Variants in RASGRP4 observed in about 807,000 individuals in gnomAD.
RASGRP4 encodes RAS guanyl releasing protein 4.
Under a neutral mutation model 84.4 loss-of-function variants are expected in RASGRP4, and 52 were observed. That is an observed-to-expected ratio of 0.62 (90% CI 0.49 to 0.78). RASGRP4 has a LOEUF of 0.78. Among genes scored for constraint, RASGRP4 ranks in the 30% least tolerant of loss-of-function variants. RASGRP4 has a pLI of 0.00. For synonymous variants in RASGRP4, 356 were observed against 359.1 expected, an observed-to-expected ratio of 0.99 and a Z score of 0.10; for missense variants, 760 against 886.9, an observed-to-expected ratio of 0.86 and a Z score of 1.82.
rs1238556368 is a variant in RASGRP4, at chr19:38,413,469, G to A, written c.1236C>T (p.Ser412=). Reference sequence around the variant, plus strand: ...CGTCTTCCGTGTAGAAGAGGTCCAGGGAGAGCTGGAGCAGACAGGGGTGTT... The same window carrying A: ...CGTCTTCCGTGTAGAAGAGGTCCAGAGAGAGCTGGAGCAGACAGGGGTGTT... ...NEDLLHLLTL[S]LDLFYTEDEI... The change falls in exon 10 of 17, where the codon TCC becomes TCT. Residue 412 remains serine, a synonymous_variant. Transcript: ENST00000615439. This position sits in a 1 kb window ranked among gnomAD's most constrained non-coding sequence, Gnocchi z 4.7. The A allele has an allele frequency of 6.3e-7, 1 of 1,594,260 alleles. No individual in the cohort carries two copies. The highest frequency in any genetic ancestry group is 2.3e-5 in the East Asian group (1 of 43,882).
chr19:38,415,260 G>GTCTCAGCA, intron 8 of RASGRP4, 137 bp from the exon 9 acceptor site: 1 of 728,602 alleles, frequency 1.4e-6, no homozygotes, highest in Non-Finnish European at 2.2e-6. Context: ...TCCCATGCCG[G>GTCTCAGCA]TCTCAGCATC....
intron 2 of RASGRP4, 23 bp from the exon 3 acceptor site, chr19:38,421,223 CTG>C (rs1568414915): frequency 6.5e-7 from 1 of 1,548,164 alleles, no homozygotes; most frequent in African/African-American, 1.4e-5. Flanking sequence ...GAGGGGTACT[CTG>C]TGACAGAATG....
At chr19:38,416,831 C>T (rs993647245) in intron 8 of RASGRP4, among the ~76,000 whole-genome samples, 17 of 152,158 alleles carry the variant, frequency 1.1e-4, no homozygotes, top group Non-Finnish European at 1.8e-4. Flanking sequence ...AGTCCAGCTC[C>T]GGACCAGACA....
intron 1 of RASGRP4, 90 bp from the exon 2 acceptor site, chr19:38,422,243 C>G: frequency 1.6e-6 from 2 of 1,236,774 alleles, no homozygotes; most frequent in Middle Eastern, 1.9e-4. Flanking sequence ...CAAGGCACCA[C>G]GGGAGAGGCT....
At chr19:38,421,348 G>T in intron 2 of RASGRP4, 148 bp from the exon 3 acceptor site, 2 of 636,586 alleles carry the variant, frequency 3.1e-6, no homozygotes. Flanking sequence ...AACCTCCTGT[G>T]CCTCAGTTTC....
At chr19:38,423,698 G>C (rs192971536) in intron 1 of RASGRP4, among the ~76,000 whole-genome samples, 4 of 151,718 alleles carry the variant, frequency 2.6e-5, no homozygotes, top group Non-Finnish European at 5.9e-5. Flanking sequence ...TTAGCCAGGC[G>C]TGGTGGTGGG....
chr19:38,415,164 G>T, intron 8 of RASGRP4, 41 bp from the exon 9 acceptor site: 1 of 1,522,134 alleles, frequency 6.6e-7, no homozygotes, highest in Non-Finnish European at 8.9e-7. Flanking sequence ...TATCAGGACA[G>T]TCCCATCCCC....
intron 15 of RASGRP4, 47 bp downstream of exon 15, chr19:38,411,068 C>A (rs779626057): frequency 6.2e-7 from 1 of 1,609,486 alleles, no homozygotes; most frequent in Non-Finnish European, 8.5e-7. Flanking sequence ...GGACTCAACC[C>A]CTTTCCCCCA....
In RASGRP4 at chr19:38,420,166, G is replaced by A; in HGVS notation, c.474C>T (p.Asn158=). 6.2e-7 allele frequency: 1 copy of A among 1,613,794 alleles called. No homozygotes were observed. The highest frequency in any genetic ancestry group is 8.5e-7 in the Non-Finnish European group (1 of 1,179,790). ...RFWATVAREG[N]SAQRRLGDSS... ...AGTCTCCCAGTCTTCTCTGGGCTGA[G>A]TTGCCCTCCCGGGCCACGGTGGCCC... The change falls in exon 5 of 17, where the codon AAC becomes AAT. Residue 158 remains asparagine (N), a synonymous_variant. Coordinates refer to ENST00000615439, the MANE Select transcript of RASGRP4 (RefSeq NM_170604.3).
At chr19:38,420,793 G>A in intron 4 of RASGRP4, 115 bp downstream of exon 4, 1 of 1,043,032 alleles carries the variant, frequency 9.6e-7, no homozygotes, top group Non-Finnish European at 1.5e-6. Context: ...TTTGGCCTGT[G>A]GGGCTGGTTG....
intron 4 of RASGRP4, 29 bp downstream of exon 4, chr19:38,420,879 T>G: frequency 6.2e-7 from 1 of 1,607,930 alleles, no homozygotes; most frequent in Non-Finnish European, 8.5e-7. Context: ...TCGTGGGTCC[T>G]GAGAGTGGGG....
intron 1 of RASGRP4, among the ~76,000 whole-genome samples, chr19:38,423,260 C>A (rs1013595465): frequency 6.6e-6 from 1 of 152,254 alleles, no homozygotes; most frequent in Non-Finnish European, 1.5e-5. Flanking sequence ...TGTGATGGCT[C>A]ACGCCTGTAA....
At chr19:38,422,498 C>T (rs1174153433) in intron 1 of RASGRP4, among the ~76,000 whole-genome samples, 2 of 152,172 alleles carry the variant, frequency 1.3e-5, no homozygotes, top group African/African-American at 4.8e-5. Flanking sequence ...AGCAAGCACC[C>T]CCGCCTGAGC....
Position 38,413,837 on chromosome 19 carries a change from A to C in RASGRP4, c.1231-363T>G, listed in dbSNP as rs762594859. On this transcript the variant is annotated intron_variant, in intron 9 of 16. Transcript: ENST00000615439. This position sits in a 1 kb window ranked among gnomAD's most constrained non-coding sequence, Gnocchi z 4.7. ...GTTTAAGAATGTGAACCCCAAAGCA[A>C]TTCCAGAGCTCAGATCAATGGATAC... 2.7e-4 allele frequency among the ~76,000 whole-genome samples: 41 copies of C among 152,214 alleles called. 1 individual carries two copies. The highest frequency in any genetic ancestry group is 1.0e-3 in the Admixed American group (16 of 15,276).
rs1219532289 is a variant in RASGRP4, at chr19:38,412,651, G to A, written c.1680+21C>T. 30 of 1,609,324 alleles carry A rather than the reference G, an allele frequency of 1.9e-5. No homozygotes were observed. The highest frequency in any genetic ancestry group is 2.5e-5 in the Non-Finnish European group (30 of 1,177,720). ...TCAGGACAGATGGAACCTAAGGGTG[G>A]TGATGGGGTGGGGTGCTCACGAAGC... On this transcript the variant is annotated intron_variant, in intron 13 of 16. Coordinates refer to ENST00000615439, the MANE Select transcript of RASGRP4 (RefSeq NM_170604.3). The surrounding 1 kb of genome is among the most constrained non-coding windows in gnomAD (Gnocchi z 4.6).
Position 38,419,896 on chromosome 19 carries a change from G to A in RASGRP4, c.627C>T (p.Leu209=), listed in dbSNP as rs1265043563. 2 of 1,608,524 alleles carry A rather than the reference G, an allele frequency of 1.2e-6. No individual in the cohort carries two copies. Among genetic ancestry groups the A allele is most frequent in the East Asian group, 2.2e-5 (1 of 44,682 alleles). Residue 209 remains leucine (L), a synonymous_variant, in exon 6 of 17, where the codon CTC becomes CTT. Transcript: ENST00000615439. ...GGAAGGACCGGAACTCCAGGTAGGT[G>A]AGGTGCTGAGCCAGCTCCCCCGTCT... The part of the protein sequence containing the change: ...HLETGELAQH[L]TYLEFRSFQA...
chr19:38,420,792 TG>T, intron 4 of RASGRP4, 115 bp downstream of exon 4: 1 of 1,029,244 alleles, frequency 9.7e-7, no homozygotes, highest in Non-Finnish European at 1.5e-6. Flanking sequence ...TTTTGGCCTG[TG>T]GGGCTGGTTG....
Position 38,413,281 on chromosome 19 carries a change from T to C in RASGRP4, c.1328A>G (p.Asn443Ser), listed in dbSNP as rs752398396. The change falls in exon 11 of 17, where the codon AAT becomes AGT. Residue 443 changes from asparagine (N) to serine (S), a missense_variant. Coordinates refer to ENST00000615439, the MANE Select transcript of RASGRP4 (RefSeq NM_170604.3). The surrounding 1 kb of genome is among the most constrained non-coding windows in gnomAD (Gnocchi z 4.7). ...GGCCCACTCCACCACCAGAGGTGCA[T>C]TGAAGGGGGAGGGTGGCTGGGGCGG... The part of the protein sequence containing the change: ...CPKSLPPSPF[N>S]APLVVEWAPG... The C allele has an allele frequency of 1.9e-5, 30 of 1,613,118 alleles. No homozygotes were observed. The highest frequency in any genetic ancestry group is 2.5e-5 in the Non-Finnish European group (29 of 1,179,590).
At position 38,412,050 on chromosome 19, in the gene RASGRP4, A is replaced by C. The variant is rs1971276336; in HGVS notation, c.1680+622T>G. ...GAGATTTGGAGGATGATTCTGTTTGAACATAATCTACCCGGTTTGGAGATT... is the reference window on the plus strand; with the variant it reads ...GAGATTTGGAGGATGATTCTGTTTGCACATAATCTACCCGGTTTGGAGATT... On this transcript the variant is annotated intron_variant, in intron 13 of 16. Transcript: ENST00000615439. The surrounding 1 kb of genome is among the most constrained non-coding windows in gnomAD (Gnocchi z 4.6). Among the ~76,000 whole-genome samples, 1 of 152,052 alleles carries C rather than the reference A, an allele frequency of 6.6e-6. No individual in the cohort carries two copies. The highest frequency in any genetic ancestry group is 1.5e-5 in the Non-Finnish European group (1 of 67,992).
Sources: allele counts gnomAD v4.1 joint callset (sites outside exome capture counted in the v4.1 genomes callset), GRCh38; gene constraint gnomAD v4.1.1; non-coding constraint Gnocchi (gnomAD v3.1); transcripts MANE v1.5; gene names NCBI Gene and HGNC (gene_info 2026-07-23, HGNC 2026-07-21).